Variants in ADTRP observed in about 807,000 individuals in gnomAD.
ADTRP encodes androgen-dependent TFPI-regulating protein.
Under a neutral mutation model 27.0 loss-of-function variants are expected in ADTRP, and 20 were observed. The ratio of observed to expected loss-of-function variants is 0.74; its 90% CI spans 0.52 to 1.08. The LOEUF (loss-of-function observed/expected upper bound fraction) is 1.08. Ranked by LOEUF, ADTRP falls within the 50% of genes least tolerant of loss-of-function variation. The pLI, the probability that ADTRP is intolerant of heterozygous loss-of-function variation, is 0.00. For missense variants in ADTRP, 251 were observed against 275.0 expected, an observed-to-expected ratio of 0.91 and a Z score of 0.62; for synonymous variants, 101 against 105.2, an observed-to-expected ratio of 0.96 and a Z score of 0.25.
intron 3 of ADTRP, among the ~76,000 whole-genome samples, chr6:11,747,044 C>A (rs529085870): frequency 6.6e-6 from 1 of 152,184 alleles, no homozygotes. Context: ...AACGCAGGAC[C>A]AGTTGGCAAG....
intron 4 of ADTRP, among the ~76,000 whole-genome samples, chr6:11,732,794 TTAATGTC>T (rs1762429718): frequency 6.6e-6 from 1 of 152,156 alleles, no homozygotes; most frequent in Admixed American, 6.5e-5. Flanking sequence ...TACCAGTACT[TTAATGTC>T]TAATCCAAGC....
At chr6:11,759,584 C>T (rs1763334965) in intron 3 of ADTRP, among the ~76,000 whole-genome samples, 2 of 151,890 alleles carry the variant, frequency 1.3e-5, no homozygotes, top group South Asian at 4.2e-4. Context: ...CTTTTCAAAA[C>T]TGGGGTGAAA....
At chr6:11,753,727 C>T (rs1763123781) in intron 3 of ADTRP, among the ~76,000 whole-genome samples, 1 of 152,130 alleles carries the variant, frequency 6.6e-6, no homozygotes, top group African/African-American at 2.4e-5. Context: ...TTCTGCCAAT[C>T]ACTGCTACAA....
chr6:11,769,366 A>G (rs1226836933), intron 1 of ADTRP, among the ~76,000 whole-genome samples: 3 of 152,032 alleles, frequency 2.0e-5, no homozygotes, highest in Non-Finnish European at 4.4e-5. Context: ...ACAATCTTTG[A>G]GCTCTGGACT....
chr6:11,759,988 C>T (rs1240571699), intron 3 of ADTRP, among the ~76,000 whole-genome samples: 1 of 152,160 alleles, frequency 6.6e-6, no homozygotes, highest in Non-Finnish European at 1.5e-5. Context: ...ACAGAGTCTC[C>T]TCCACAGACT....
At chr6:11,773,586 G>A (rs1442808574) in intron 1 of ADTRP, among the ~76,000 whole-genome samples, 1 of 152,232 alleles carries the variant, frequency 6.6e-6, no homozygotes, top group African/African-American at 2.4e-5. Flanking sequence ...GCTCCCTTCT[G>A]CTGAGGGCAA....
intron 3 of ADTRP, among the ~76,000 whole-genome samples, chr6:11,740,959 A>G (rs1038934467): frequency 1.3e-5 from 2 of 152,244 alleles, no homozygotes; most frequent in Non-Finnish European, 2.9e-5. Flanking sequence ...GAGTCTTTTC[A>G]GTCTCAAAGA....
At chr6:11,733,801 G>A (rs1339465802) in intron 4 of ADTRP, among the ~76,000 whole-genome samples, 5 of 152,040 alleles carry the variant, frequency 3.3e-5, no homozygotes, top group Admixed American at 3.3e-4. Context: ...CTGCATCATG[G>A]GGACACCCGC....
chr6:11,733,187 A>T (rs1762442358), intron 4 of ADTRP, among the ~76,000 whole-genome samples: 1 of 152,232 alleles, frequency 6.6e-6, no homozygotes, highest in Admixed American at 6.5e-5. Context: ...AACTCCCCTG[A>T]GTTACCAGCA....
intron 3 of ADTRP, among the ~76,000 whole-genome samples, chr6:11,760,814 C>T (rs990235889): frequency 6.6e-6 from 1 of 152,174 alleles, no homozygotes; most frequent in Non-Finnish European, 1.5e-5. Flanking sequence ...CCTCTGTATC[C>T]ATACTCCTTC....
chr6:11,763,479 G>C (rs1179718806), intron 3 of ADTRP, among the ~76,000 whole-genome samples: 7 of 152,226 alleles, frequency 4.6e-5, no homozygotes, highest in Admixed American at 4.6e-4. Flanking sequence ...TTCTTCTACT[G>C]TGGAAAGGAA....
chr6:11,722,085 G>A (rs1762039805), intron 5 of ADTRP, among the ~76,000 whole-genome samples: 1 of 151,822 alleles, frequency 6.6e-6, no homozygotes, highest in Admixed American at 6.6e-5. Context: ...ACTTCAAGGA[G>A]CCAAAACTAG....
chr6:11,729,826 G>T (rs105924), intron 4 of ADTRP, among the ~76,000 whole-genome samples: 103,170 of 152,084 alleles, frequency 0.68, 36,893 homozygotes, highest in East Asian at 0.83. Flanking sequence ...TACCCAAGAC[G>T]ATTACTTTCA....
intron 3 of ADTRP, among the ~76,000 whole-genome samples, chr6:11,748,693 C>T (rs1468277126): frequency 6.6e-6 from 1 of 152,224 alleles, no homozygotes; most frequent in African/African-American, 2.4e-5. Flanking sequence ...TCTGAGAAGA[C>T]CACGTCCAAG....
chr6:11,778,039 G>A (rs1764014984), intron 1 of ADTRP, among the ~76,000 whole-genome samples: 1 of 152,172 alleles, frequency 6.6e-6, no homozygotes, highest in African/African-American at 2.4e-5. Flanking sequence ...TTTTTAAATA[G>A]TTGAAAATGT....
intron 4 of ADTRP, among the ~76,000 whole-genome samples, chr6:11,734,659 C>A (rs1414762579): frequency 6.6e-6 from 1 of 152,034 alleles, no homozygotes; most frequent in Admixed American, 6.5e-5. Context: ...AGAGGCTGGT[C>A]GAGTCCATAA....
At chr6:11,739,168 A>T (rs1024961835) in intron 3 of ADTRP, among the ~76,000 whole-genome samples, 9 of 152,216 alleles carry the variant, frequency 5.9e-5, no homozygotes, top group African/African-American at 1.4e-4. Context: ...GGAAACACTG[A>T]CTCACTCTGT....
chr6:11,721,519 G>A (rs751377946), intron 5 of ADTRP, among the ~76,000 whole-genome samples: 48 of 152,068 alleles, frequency 3.2e-4, no homozygotes, highest in Non-Finnish European at 6.0e-4. Flanking sequence ...TCTTTAATTC[G>A]TATTAAATTA....
chr6:11,761,104 T>C (rs1763377501), intron 3 of ADTRP, among the ~76,000 whole-genome samples: 1 of 152,244 alleles, frequency 6.6e-6, no homozygotes, highest in South Asian at 2.1e-4. Context: ...AAGTCACTGT[T>C]CTGCTGCCTG....
Sources: gnomAD v4.1 joint callset for allele counts (sites outside exome capture counted in the v4.1 genomes callset) on GRCh38, gnomAD v4.1.1 for gene constraint, MANE v1.5 for transcripts, NCBI Gene and HGNC (gene_info 2026-07-23, HGNC 2026-07-21) for gene names.